Variants in ERLEC1 observed in about 807,000 individuals in gnomAD.
ERLEC1 encodes the protein ER lectin.
In ERLEC1, 47 loss-of-function variants were observed where a neutral mutation model predicts 68.0. The ratio of observed to expected loss-of-function variants is 0.69; its 90% CI spans 0.55 to 0.88. ERLEC1 has a LOEUF of 0.88. Ranked by LOEUF, ERLEC1 falls within the 40% of genes least tolerant of loss-of-function variation. ERLEC1 has a pLI of 0.00. For missense variants in ERLEC1, 567 were observed against 583.8 expected, an observed-to-expected ratio of 0.97 and a Z score of 0.30; for synonymous variants, 225 against 203.2, an observed-to-expected ratio of 1.11 and a Z score of -0.91.
At position 53,787,268 on chromosome 2, in the gene ERLEC1, G is replaced by A. The variant is rs1233787841; in HGVS notation, c.58G>A (p.Val20Ile). The A allele has an allele frequency of 1.2e-6, 2 of 1,608,312 alleles. No individual in the cohort carries two copies. The highest frequency in any genetic ancestry group is 8.5e-7 in the Non-Finnish European group (1 of 1,179,936). Residue 20 changes from valine to isoleucine, a missense_variant, in exon 1 of 14, where the codon GTC (valine) becomes ATC (isoleucine). Transcript: ENST00000185150. ...GGTCCCGGGCGGGCCGGTGTTACTG[G>A]TCCTCTGCGGCCTCCTGGAGGCGTC... Reference protein sequence around the residue: ...SLVPGGPVLLVLCGLLEASGG... With the variant: ...SLVPGGPVLLILCGLLEASGG...
At chr2:53,792,269 CGCCTCA>C (rs1233777037) in intron 1 of ERLEC1, among the ~76,000 whole-genome samples, 1 of 151,128 alleles carries the variant, frequency 6.6e-6, no homozygotes, top group Non-Finnish European at 1.5e-5. Flanking sequence ...GCAGTTCTCC[CGCCTCA>C]GCCTCCTGAG....
In ERLEC1 at chr2:53,814,883, A is replaced by G; in HGVS notation, c.1328A>G (p.His443Arg). ...KLKCKESDSP[H>R]AVTVYMLEPH... is the part of the protein sequence containing the mutation. ...AGGTGCAAAGAATCAGATTCACCTCATGCTGTTACTGTATATATGCTAGAG... is the reference window on the plus strand; with the variant it reads ...AGGTGCAAAGAATCAGATTCACCTCGTGCTGTTACTGTATATATGCTAGAG... The change falls in exon 13 of 14, where the codon CAT becomes CGT. Residue 443 changes from histidine (H) to arginine (R), a missense_variant. Coordinates refer to ENST00000185150, the MANE Select transcript of ERLEC1 (RefSeq NM_015701.5). The G allele has an allele frequency of 1.2e-6, 2 of 1,609,004 alleles. No homozygotes were observed. Among genetic ancestry groups the G allele is most frequent in the Non-Finnish European group, 1.7e-6 (2 of 1,176,864 alleles).
chr2:53,789,902 C>T (rs1016581243), intron 1 of ERLEC1, among the ~76,000 whole-genome samples: 12 of 151,542 alleles, frequency 7.9e-5, no homozygotes, highest in African/African-American at 2.2e-4. Flanking sequence ...GTCTGTAGTT[C>T]CAGCTACTTG....
intron 8 of ERLEC1, among the ~76,000 whole-genome samples, chr2:53,806,616 C>G (rs1676308201): frequency 6.6e-6 from 1 of 152,088 alleles, no homozygotes; most frequent in Admixed American, 6.5e-5. Flanking sequence ...CCTTGTTCTT[C>G]CTAATATTGG....
chr2:53,801,387 T>C lies in ERLEC1; in HGVS notation c.526-10T>C, dbSNP rs777779243. ...AATGAAAAGTCTGTCTTATACTCTT[T>C]TTTTTTAAGATTCCCACTAAAAATA... On this transcript the variant is annotated splice_polypyrimidine_tract_variant and intron_variant, in intron 6 of 13. Coordinates refer to ENST00000185150, the MANE Select transcript of ERLEC1 (RefSeq NM_015701.5). 1.2e-6 allele frequency: 2 copies of C among 1,609,920 alleles called. No homozygotes were observed. The highest frequency in any genetic ancestry group is 1.7e-6 in the Non-Finnish European group (2 of 1,176,470).
intron 9 of ERLEC1, among the ~76,000 whole-genome samples, 155 bp downstream of exon 9, chr2:53,808,615 C>T (rs1676426830): frequency 6.6e-6 from 1 of 152,124 alleles, no homozygotes; most frequent in South Asian, 2.1e-4. Flanking sequence ...AGTCTCATAC[C>T]CCCACGTTTC....
At chr2:53,813,233 C>CTTAGGGA (rs1348000562) in intron 11 of ERLEC1, among the ~76,000 whole-genome samples, 160 bp downstream of exon 11, 1 of 152,024 alleles carries the variant, frequency 6.6e-6, no homozygotes, top group Admixed American at 6.6e-5. Flanking sequence ...GGAAGCAACA[C>CTTAGGGA]AGTGTAATAG....
Position 53,797,609 on chromosome 2 carries a change from A to C in ERLEC1, c.426+17A>C. 1.2e-6 allele frequency: 2 copies of C among 1,602,382 alleles called. No individual in the cohort carries two copies. The highest frequency in any genetic ancestry group is 8.5e-7 in the Non-Finnish European group (1 of 1,173,678). The stretch of plus-strand genomic sequence containing the variant: ...ACTGGTCAGGTGTGTTTTTCTTCAA[A>C]ATATTATTATGAAACATTATAAGAT... On this transcript the variant is annotated intron_variant, in intron 4 of 13. Coordinates refer to ENST00000185150, the MANE Select transcript of ERLEC1 (RefSeq NM_015701.5).
At chr2:53,816,061 C>G (rs183775506) in intron 13 of ERLEC1, among the ~76,000 whole-genome samples, 4 of 152,098 alleles carry the variant, frequency 2.6e-5, no homozygotes, top group African/African-American at 9.6e-5. Flanking sequence ...AACTCCTGGA[C>G]TCAAGCAATC....
rs1291335057 is a variant in ERLEC1, at chr2:53,796,033, T to C, written c.348+20T>C. 6.7e-7 allele frequency: 1 copy of C among 1,488,668 alleles called. No homozygotes were observed. Among genetic ancestry groups the C allele is most frequent in the Admixed American group, 2.0e-5 (1 of 49,050 alleles). The allele number at this position is 1,488,668 out of a possible 1,614,324, so 92.2% of individuals were successfully genotyped here. A position where few individuals can be genotyped will look rare whatever the true frequency, so the allele number is the denominator to read the frequency against. Reference sequence around the variant, plus strand: ...TACAGAGTATGTATTTTATGTTTACTTGATGACTAGAAAATAGATTACCAA... The same window carrying C: ...TACAGAGTATGTATTTTATGTTTACCTGATGACTAGAAAATAGATTACCAA... On this transcript the variant is annotated intron_variant, in intron 3 of 13. Coordinates refer to ENST00000185150, the MANE Select transcript of ERLEC1 (RefSeq NM_015701.5).
At chr2:53,807,953 A>G (rs746285748) in intron 8 of ERLEC1, among the ~76,000 whole-genome samples, 41 of 152,076 alleles carry the variant, frequency 2.7e-4, no homozygotes, top group Non-Finnish European at 4.7e-4. Context: ...TTAACCCAGG[A>G]AGCGGAGGTT....
intron 1 of ERLEC1, among the ~76,000 whole-genome samples, chr2:53,792,681 T>G (rs1350202000): frequency 1.3e-5 from 2 of 152,222 alleles, no homozygotes; most frequent in African/African-American, 2.4e-5. Context: ...CTTTTGTGTT[T>G]AGGATTACAG....
intron 9 of ERLEC1, among the ~76,000 whole-genome samples, 160 bp downstream of exon 9, chr2:53,808,620 C>A (rs578179515): frequency 2.6e-5 from 4 of 152,192 alleles, no homozygotes; most frequent in African/African-American, 9.6e-5. Flanking sequence ...CATACCCCCA[C>A]GTTTCTGTAA....
In ERLEC1 at chr2:53,787,066, C is replaced by G; in HGVS notation, c.-145C>G. ...GGCGGAGGCGGCGTTGCCGGGCTCT[C>G]CGGAAGGAGACGTGGCGGCGGTTGG... On this transcript the variant is annotated 5_prime_UTR_variant, in exon 1 of 14. Coordinates refer to ENST00000185150, the MANE Select transcript of ERLEC1 (RefSeq NM_015701.5). 1.7e-6 allele frequency: 2 copies of G among 1,191,364 alleles called. No homozygotes were observed. The highest frequency in any genetic ancestry group is 2.2e-6 in the Non-Finnish European group (2 of 889,868). 73.8% of individuals were successfully genotyped at this position (1,191,364 alleles called of 1,614,324 possible).
chr2:53,818,707 C>G lies in ERLEC1; in HGVS notation c.*738C>G, dbSNP rs1677027975. On this transcript the variant is annotated 3_prime_UTR_variant, in exon 14 of 14. Coordinates refer to ENST00000185150, the MANE Select transcript of ERLEC1 (RefSeq NM_015701.5). ...CTAACAAAACACTGTGCTGTCTATC[C>G]CTTGTACTTGCCTACTGTAATATGG... 1 of 152,194 alleles carries G rather than the reference C, an allele frequency of 6.6e-6. No homozygotes were observed. Among genetic ancestry groups the G allele is most frequent in the South Asian group, 2.1e-4 (1 of 4,832 alleles). 9.4% of individuals were successfully genotyped at this position (152,194 alleles called of 1,614,324 possible). A position where few individuals can be genotyped will look rare whatever the true frequency, so the allele number is the denominator to read the frequency against.
In ERLEC1 at chr2:53,813,061, C is replaced by T; in HGVS notation, c.1214C>T (p.Thr405Ile). Reference sequence around the variant, plus strand: ...GCTTATCATCTTCAAGACGATGGTACCCAGACAGTCAGGTAAAGATTCACT... The same window carrying T: ...GCTTATCATCTTCAAGACGATGGTATCCAGACAGTCAGGTAAAGATTCACT... The part of the protein sequence containing the change: ...ARAYHLQDDG[T>I]QTVRMVSHFY... Residue 405 changes from threonine (T) to isoleucine (I), a missense_variant, in exon 11 of 14, where the codon ACC (threonine) becomes ATC (isoleucine). Transcript: ENST00000185150. The T allele has an allele frequency of 6.2e-7, 1 of 1,609,938 alleles. No individual in the cohort carries two copies. Among genetic ancestry groups the T allele is most frequent in the South Asian group, 1.1e-5 (1 of 89,718 alleles).
At chr2:53,790,896 T>G (rs1675357500) in intron 1 of ERLEC1, among the ~76,000 whole-genome samples, 1 of 152,262 alleles carries the variant, frequency 6.6e-6, no homozygotes, top group African/African-American at 2.4e-5. Flanking sequence ...AAGTATCACC[T>G]CTGTCGTTAT....
At chr2:53,803,529 C>T (rs968908406) in intron 8 of ERLEC1, among the ~76,000 whole-genome samples, 3 of 150,674 alleles carry the variant, frequency 2.0e-5, no homozygotes, top group Non-Finnish European at 4.4e-5. Flanking sequence ...TTTGGGAGGC[C>T]GAGGCAGGAG....
chr2:53,803,934 GC>G lies in ERLEC1; in HGVS notation c.879+2094del, dbSNP rs1453402874. Among the ~76,000 whole-genome samples the G allele has an allele frequency of 2.0e-5, 3 of 152,186 alleles. No individual in the cohort carries two copies. The East Asian group carries it at 5.8e-4, about 29-fold the overall frequency. On this transcript the variant is annotated intron_variant, in intron 8 of 13. Transcript: ENST00000185150. ...ACTTGAGGTCAGGAGTTCAAGACCA[GC>G]CTGGCCAACCTGGCAAAACCCCATC...
Sources: gnomAD v4.1 joint callset for allele counts (sites outside exome capture counted in the v4.1 genomes callset) on GRCh38, gnomAD v4.1.1 for gene constraint, MANE v1.5 for transcripts, NCBI Gene and HGNC (gene_info 2026-07-23, HGNC 2026-07-21) for gene names.